Variants in DYNC2I1 observed in about 807,000 individuals in gnomAD.
DYNC2I1 encodes the protein cytoplasmic dynein 2 intermediate chain 1.
A neutral mutation model predicts 133.4 loss-of-function variants in DYNC2I1; 89 were observed. The ratio of observed to expected loss-of-function variants is 0.67; its 90% CI spans 0.56 to 0.80. DYNC2I1 has a LOEUF of 0.80. DYNC2I1 is among the 30% of genes least tolerant of loss of function. The pLI is 0.00. For synonymous variants in DYNC2I1, 504 were observed against 484.3 expected, an observed-to-expected ratio of 1.04 and a Z score of -0.54; for missense variants, 1,291 against 1,314.5, an observed-to-expected ratio of 0.98 and a Z score of 0.28.
intron 17 of DYNC2I1, among the ~76,000 whole-genome samples, chr7:158,924,155 C>T (rs1055331038): frequency 8.5e-5 from 13 of 152,188 alleles, no homozygotes; most frequent in Non-Finnish European, 1.8e-4. Flanking sequence ...CATACTATGC[C>T]GTGCCCAGCC....
chr7:158,866,317 G>A (rs1298783926), intron 1 of DYNC2I1, among the ~76,000 whole-genome samples: 2 of 150,944 alleles, frequency 1.3e-5, no homozygotes, highest in Non-Finnish European at 3.0e-5. Context: ...TGGTGTCCTG[G>A]GCATCCCTTC....
intron 21 of DYNC2I1, 88 bp downstream of exon 21, chr7:158,930,603 G>A: frequency 9.4e-7 from 1 of 1,067,156 alleles, no homozygotes; most frequent in African/African-American, 1.6e-5. Flanking sequence ...TAAATGGTGA[G>A]CTTTTGCGAT....
At chr7:158,956,344 A>C (rs1227353699) in intron 4 of DYNC2I1, among the ~76,000 whole-genome samples, 1 of 152,184 alleles carries the variant, frequency 6.6e-6, no homozygotes, top group Non-Finnish European at 1.5e-5. Context: ...TCCTCCCTGC[A>C]CAGAGCTGAT....
intron 1 of DYNC2I1, among the ~76,000 whole-genome samples, chr7:158,861,026 C>T (rs1186312104): frequency 1.3e-5 from 2 of 152,244 alleles, no homozygotes; most frequent in Admixed American, 6.5e-5. Context: ...TTTAACACTG[C>T]TCCTCGCGGT....
intron 14 of DYNC2I1, among the ~76,000 whole-genome samples, 151 bp downstream of exon 14, chr7:158,914,472 AT>A (rs1847812150): frequency 6.6e-6 from 1 of 152,208 alleles, no homozygotes; most frequent in Admixed American, 6.5e-5. Flanking sequence ...TTTCTTACAA[AT>A]TATCAGTGGT....
intron 20 of DYNC2I1, among the ~76,000 whole-genome samples, chr7:158,928,550 T>G (rs1849856121): frequency 6.6e-6 from 1 of 152,208 alleles, no homozygotes; most frequent in African/African-American, 2.4e-5. Context: ...GTCGTGGTGC[T>G]CATTTCACTG....
At chr7:158,895,945 A>G (rs1464676190) in intron 8 of DYNC2I1, among the ~76,000 whole-genome samples, 1 of 152,210 alleles carries the variant, frequency 6.6e-6, no homozygotes, top group African/African-American at 2.4e-5. Context: ...TATATAGGAA[A>G]GCGACTGACT....
chr7:158,942,177 T>C (rs1472468201), intron 24 of DYNC2I1, 29 bp downstream of exon 24: 1 of 1,492,782 alleles, frequency 6.7e-7, no homozygotes, highest in Admixed American at 2.3e-5. Flanking sequence ...GACCAGCTGC[T>C]GGTTGTGGGG....
Position 158,934,242 on chromosome 7 carries a change from T to G in DYNC2I1, c.2646+14T>G, listed in dbSNP as rs1195134228. 3 of 1,593,564 alleles carry G rather than the reference T, an allele frequency of 1.9e-6. No individual in the cohort carries two copies. The highest frequency in any genetic ancestry group is 3.6e-5 in the Admixed American group (2 of 54,904). The stretch of plus-strand genomic sequence containing the variant: ...GGCACAGACATGGTGAGTAGTATTT[T>G]AAATTTAATCCTATTACTCATTCTC... On this transcript the variant is annotated intron_variant, in intron 22 of 24. Transcript: ENST00000407559.
At chr7:158,885,611 G>A (rs1844520757) in intron 6 of DYNC2I1, among the ~76,000 whole-genome samples, 1 of 148,462 alleles carries the variant, frequency 6.7e-6, no homozygotes, top group African/African-American at 2.4e-5. Flanking sequence ...CAAAGTGCTG[G>A]GATTACAGGC....
At chr7:158,911,966 G>A (rs891427489) in intron 12 of DYNC2I1, among the ~76,000 whole-genome samples, 5 of 152,148 alleles carry the variant, frequency 3.3e-5, no homozygotes, top group African/African-American at 1.2e-4. Context: ...GAAGCTTTAT[G>A]CTGTGCAAAT....
chr7:158,885,168 C>T (rs1209074683), intron 6 of DYNC2I1, among the ~76,000 whole-genome samples: 2 of 152,142 alleles, frequency 1.3e-5, no homozygotes, highest in Non-Finnish European at 2.9e-5. Context: ...CACGGGATAA[C>T]ATTCCGCCCT....
chr7:158,930,438 G>A lies in DYNC2I1; in HGVS notation c.2486-17G>A. The A allele has an allele frequency of 6.2e-7, 1 of 1,607,780 alleles. No homozygotes were observed. The highest frequency in any genetic ancestry group is 8.5e-7 in the Non-Finnish European group (1 of 1,176,742). ...TTCTATTGAAAGGTGCATTGATTTT[G>A]GTTCATCTCTTTTTAGGTCTGATGC... is the stretch of plus-strand genomic sequence containing the variant. On this transcript the variant is annotated splice_polypyrimidine_tract_variant and intron_variant, in intron 20 of 24. Transcript: ENST00000407559.
At chr7:158,940,761 A>C (rs1260993229) in intron 23 of DYNC2I1, among the ~76,000 whole-genome samples, 1 of 152,268 alleles carries the variant, frequency 6.6e-6, no homozygotes, top group Non-Finnish European at 1.5e-5. Flanking sequence ...TAAGAAGGAC[A>C]TTTAAAAATT....
At chr7:158,865,163 G>C (rs1471133016) in intron 1 of DYNC2I1, among the ~76,000 whole-genome samples, 1 of 152,202 alleles carries the variant, frequency 6.6e-6, no homozygotes, top group Non-Finnish European at 1.5e-5. Context: ...TGAGGTTTTG[G>C]CTTCACCACC....
chr7:158,898,252 G>T (rs1275027482), intron 8 of DYNC2I1, among the ~76,000 whole-genome samples: 4 of 152,142 alleles, frequency 2.6e-5, no homozygotes, highest in African/African-American at 9.7e-5. Flanking sequence ...ATTATACCCG[G>T]TTCACTGATG....
At chr7:158,897,980 G>C (rs1320988720) in intron 8 of DYNC2I1, among the ~76,000 whole-genome samples, 1 of 152,046 alleles carries the variant, frequency 6.6e-6, no homozygotes, top group African/African-American at 2.4e-5. Context: ...CATTTCTCTT[G>C]AGATTTGTTT....
intron 14 of DYNC2I1, among the ~76,000 whole-genome samples, chr7:158,917,536 T>C (rs1301376727): frequency 2.4e-3 from 118 of 49,782 alleles, no homozygotes; most frequent in Middle Eastern, 0.012. Context: ...ACTAAACACC[T>C]CCTGTCCTCC....
At chr7:158,955,624 A>C (rs1384975485) in intron 4 of DYNC2I1, among the ~76,000 whole-genome samples, 1 of 152,238 alleles carries the variant, frequency 6.6e-6, no homozygotes, top group Non-Finnish European at 1.5e-5. Flanking sequence ...AACATAAATC[A>C]GAGGTCCTGC....
Sources: allele counts gnomAD v4.1 joint callset (sites outside exome capture counted in the v4.1 genomes callset), GRCh38; gene constraint gnomAD v4.1.1; transcripts MANE v1.5; gene names NCBI Gene and HGNC (gene_info 2026-07-23, HGNC 2026-07-21).